The following ZIC3 variants were observed in gnomAD, a reference collection of about 807,000 sequenced individuals.
The protein encoded by ZIC3 is zinc finger protein ZIC 3.
ZIC3 carries 6 observed loss-of-function variants against 18.3 expected under a neutral mutation model. The ratio of observed to expected loss-of-function variants is 0.33; its 90% confidence interval spans 0.18 to 0.65. The LOEUF is 0.65. Among genes scored for constraint, ZIC3 ranks in the 30% least tolerant of loss-of-function variants. ZIC3 has a pLI of 0.75. For synonymous variants in ZIC3, 175 were observed against 177.0 expected (o/e 0.99, Z 0.09); for missense variants, 260 against 410.0 (o/e 0.63, Z 3.16).
rs1198015588 is a variant in ZIC3, at chrX:137,567,226, G to A, written c.535G>A (p.Val179Met). ...TGGGCACCCGTCGCCCACAGGGCAC[G>A]TGGACAACAACCAGGTCCACCTGGG... Reference protein sequence around the residue: ...GAGHPSPTGHVDNNQVHLGLR... With the variant: ...GAGHPSPTGHMDNNQVHLGLR... The change falls in exon 1 of 3, where the codon GTG becomes ATG. Residue 179 changes from valine (V) to methionine (M), a missense_variant. This residue lies in a region of ZIC3 where 183 missense variants were observed against 223.8 expected (regional missense o/e 0.82). Transcript: ENST00000287538. The A allele has an allele frequency of 1.7e-6, 2 of 1,209,259 alleles. No individual in the cohort carries two copies. Among genetic ancestry groups the A allele is most frequent in the East Asian group, 3.0e-5 (1 of 33,720 alleles).
At position 137,567,003 on chromosome X, in the gene ZIC3, C is replaced by T. The variant is rs946883685; in HGVS notation, c.312C>T (p.Tyr104=). The change falls in exon 1 of 3, where the codon TAC becomes TAT. Residue 104 remains tyrosine, a synonymous_variant. Coordinates refer to ENST00000287538, the MANE Select transcript of ZIC3 (RefSeq NM_003413.4). The part of the protein sequence containing the change: ...HHHHTSQVPS[Y]GGAASAAFNS... ...ACCACACCAGCCAGGTGCCCAGCTA[C>T]GGTGGCGCTGCCTCTGCCGCCTTCA... The T allele has an allele frequency of 6.0e-6, 7 of 1,166,700 alleles. 1 individual carries two copies. The highest frequency in any genetic ancestry group is 8.0e-6 in the Non-Finnish European group (7 of 873,093).
In ZIC3 at chrX:137,570,157, T is replaced by C; in HGVS notation, c.*87T>C. The C allele has an allele frequency of 9.2e-7, 1 of 1,086,113 alleles. No individual in the cohort carries two copies. Among genetic ancestry groups the C allele is most frequent in the Non-Finnish European group, 1.3e-6 (1 of 781,683 alleles). 89.5% of individuals were successfully genotyped at this position (1,086,113 alleles called of 1,213,427 possible). ...GACCAATCAGATGGAAATGGAGTTT[T>C]AAGGCAAGAGGCCATATATAGGGCT... On this transcript the variant is annotated 3_prime_UTR_variant, in exon 3 of 3. Transcript: ENST00000287538.
rs1171962944 is a variant in ZIC3, at chrX:137,570,422, T to C, written c.*352T>C. 3.9e-6 allele frequency: 1 copy of C among 257,943 alleles called. No homozygotes were observed. Among genetic ancestry groups the C allele is most frequent in the African/African-American group, 2.8e-5 (1 of 35,975 alleles). The allele number at this position is 257,943 out of a possible 1,213,427, so 21.3% of individuals were successfully genotyped here. ...GTTATAGAAGGCTTGTTGGTGGTGG[T>C]GATGTTAAACTGATGGAAATTCTTT... On this transcript the variant is annotated 3_prime_UTR_variant, in exon 3 of 3. Coordinates refer to ENST00000287538, the MANE Select transcript of ZIC3 (RefSeq NM_003413.4).
rs1435702042 is a variant in ZIC3 at position 137,577,238 on chromosome X, TG to T, written c.1342del (p.Ala448ProfsTer8). On this transcript the variant is annotated frameshift_variant, in exon 3 of 3. Coordinates refer to the ZIC3 transcript ENST00000370606. LOFTEE classifies it high-confidence loss of function. ...CTACCTATCCTAAATGCAGGGTTAA[TG>T]CCGAACCTACTGTGCAAGAAATGAT... 2 of 520,685 alleles carry T rather than the reference TG, an allele frequency of 3.8e-6. No individual in the cohort carries two copies. Among genetic ancestry groups the T allele is most frequent in the Non-Finnish European group, 7.0e-6 (2 of 285,215 alleles). The allele number at this position is 520,685 out of a possible 1,213,427, so 42.9% of individuals were successfully genotyped here.
chrX:137,574,574 TCCCGCGCCCTG>T (rs1032529663), downstream of ZIC3, among the ~76,000 whole-genome samples: 3 of 111,006 alleles, frequency 2.7e-5, no homozygotes, highest in Admixed American at 9.3e-5. Flanking sequence ...CCACCCCCAC[TCCCGCGCCCTG>T]CCCGCGCCGC....
intron 2 of ZIC3, 132 bp from the exon 3 acceptor site, chrX:137,569,759 T>A (rs766957332): frequency 4.7e-6 from 3 of 631,939 alleles, no homozygotes; most frequent in African/African-American, 4.5e-5. Context: ...GGATTTTTTT[T>A]AAGCAGCATT....
exon 3 of ZIC3, chrX:137,577,482 GC>G: frequency 3.4e-6 from 1 of 290,909 alleles, no homozygotes. Context: ...GTGAAGACTG[GC>G]CTAATTCATA....
chrX:137,567,886 C>G (rs1364597066), intron 1 of ZIC3, 135 bp downstream of exon 1: 3 of 1,075,120 alleles, frequency 2.8e-6, no homozygotes, highest in Non-Finnish European at 3.8e-6. Context: ...AAAAGAAGCG[C>G]TGTCAGTGAC....
downstream of ZIC3, among the ~76,000 whole-genome samples, chrX:137,573,568 CCTT>C (rs1931469598): frequency 8.9e-6 from 1 of 112,456 alleles, no homozygotes; most frequent in African/African-American, 3.2e-5. Flanking sequence ...TCTCTCTCCC[CCTT>C]CTTAAAAAAC....
chrX:137,567,851 G>C, intron 1 of ZIC3, 100 bp downstream of exon 1: 1 of 1,179,552 alleles, frequency 8.5e-7, no homozygotes, highest in Non-Finnish European at 1.1e-6. Flanking sequence ...AGGGAAAGGG[G>C]CGACGCCCCG....
exon 3 of ZIC3, chrX:137,577,363 G>T (rs1325680599): frequency 2.6e-6 from 1 of 380,752 alleles, no homozygotes; most frequent in Admixed American, 4.8e-5. Flanking sequence ...GGTATAAAAA[G>T]ACTATTTTCT....
Position 137,566,673 on chromosome X carries a change from T to C in ZIC3, c.-19T>C, listed in dbSNP as rs770620335. The stretch of plus-strand genomic sequence containing the variant: ...TCTCTCACTTCGGCCGGATCGCCTG[T>C]GCCCAGAACGTCCCACCCATGACGA... On this transcript the variant is annotated 5_prime_UTR_variant, in exon 1 of 3. Transcript: ENST00000287538. 1 of 1,199,392 alleles carries C rather than the reference T, an allele frequency of 8.3e-7. No homozygotes were observed. Among genetic ancestry groups the C allele is most frequent in the South Asian group, 1.8e-5 (1 of 55,184 alleles).
Position 137,566,352 on chromosome X carries a change from A to C in ZIC3, c.-340A>C. On this transcript the variant is annotated 5_prime_UTR_variant, in exon 1 of 3. Transcript: ENST00000287538. Reference sequence around the variant, plus strand: ...AGGGGTGCCCGGGACAGGATTGGCAAACTCCGCCCTCCACTTACTATTTTG... The same window carrying C: ...AGGGGTGCCCGGGACAGGATTGGCACACTCCGCCCTCCACTTACTATTTTG... 1 of 296,444 alleles carries C rather than the reference A, an allele frequency of 3.4e-6. No homozygotes were observed. The highest frequency in any genetic ancestry group is 6.0e-6 in the Non-Finnish European group (1 of 167,399). The allele number at this position is 296,444 out of a possible 1,213,427, so 24.4% of individuals were successfully genotyped here.
At chrX:137,568,339 GATCTATCTATCTATCT>G (rs55777198) in intron 1 of ZIC3, among the ~76,000 whole-genome samples, 42 of 79,787 alleles carry the variant, frequency 5.3e-4, no homozygotes, top group Non-Finnish European at 8.8e-4. Context: ...TGGATCGATC[GATCTATCTATCTATCT>G]ATCTATCTAT....
downstream of ZIC3, among the ~76,000 whole-genome samples, chrX:137,574,813 G>T (rs1297580971): frequency 8.8e-6 from 1 of 113,129 alleles, no homozygotes; most frequent in Admixed American, 9.2e-5. Flanking sequence ...CGCAGCAAAG[G>T]CTGCAGAACT....
downstream of ZIC3, among the ~76,000 whole-genome samples, chrX:137,576,286 TAAA>T (rs1331067177): frequency 8.9e-6 from 1 of 111,880 alleles, no homozygotes; most frequent in African/African-American, 3.2e-5. Context: ...TTCATTAAGT[TAAA>T]AAAGCTTTAG....
chrX:137,568,343 T>TATCG (rs1412809882), intron 1 of ZIC3, among the ~76,000 whole-genome samples: 32 of 75,165 alleles, frequency 4.3e-4, no homozygotes, highest in Non-Finnish European at 6.9e-4. Context: ...TCGATCGATC[T>TATCG]ATCTATCTAT....
chrX:137,569,776 T>C, intron 2 of ZIC3, 115 bp from the exon 3 acceptor site: 1 of 719,840 alleles, frequency 1.4e-6, no homozygotes, highest in South Asian at 2.9e-5. Context: ...CATTTTTCTT[T>C]TAAGTGGGTC....
At chrX:137,573,851 A>C (rs1931474141), downstream of ZIC3, 1 of 112,153 alleles carries the variant, frequency 8.9e-6, no homozygotes, top group African/African-American at 3.2e-5. Context: ...GTCCCTGTCC[A>C]CACACCAAGT....
Sources: allele counts gnomAD v4.1 joint callset (sites outside exome capture counted in the v4.1 genomes callset), GRCh38; gene constraint gnomAD v4.1.1; regional missense constraint gnomAD v4.1.1; transcripts MANE v1.5; gene names NCBI Gene and HGNC (gene_info 2026-07-23, HGNC 2026-07-21).